The following FAM110B variants were observed in gnomAD, a reference collection of about 807,000 sequenced individuals.
FAM110B encodes the protein protein FAM110B.
A neutral mutation model predicts 20.4 loss-of-function variants in FAM110B; 6 were observed. The observed-to-expected ratio is 0.29, with a 90% confidence interval of 0.16 to 0.58. FAM110B has a LOEUF of 0.58. Among genes scored for constraint, FAM110B ranks in the 20% least tolerant of loss-of-function variants. FAM110B has a pLI of 0.90. For missense variants in FAM110B, 434 were observed against 498.2 expected, an observed-to-expected ratio of 0.87 and a Z score of 1.23; for synonymous variants, 226 against 214.1, an observed-to-expected ratio of 1.06 and a Z score of -0.49.
intron 3 of FAM110B, among the ~76,000 whole-genome samples, chr8:58,104,149 C>T (rs1000963129): frequency 6.6e-6 from 1 of 152,170 alleles, no homozygotes; most frequent in Non-Finnish European, 1.5e-5. Context: ...ACTTAAGAAA[C>T]ACATTGATTG....
chr8:58,072,448 C>G (rs1407762727), intron 2 of FAM110B, among the ~76,000 whole-genome samples: 1 of 152,188 alleles, frequency 6.6e-6, no homozygotes. Flanking sequence ...TTAACATACA[C>G]CAAAGAGGCT....
chr8:58,131,129 A>G (rs1186202785), intron 3 of FAM110B, among the ~76,000 whole-genome samples: 1 of 152,162 alleles, frequency 6.6e-6, no homozygotes, highest in African/African-American at 2.4e-5. Flanking sequence ...GAAAAATCCC[A>G]TATAACCGCC....
At chr8:58,063,807 T>C (rs1041516487) in intron 2 of FAM110B, among the ~76,000 whole-genome samples, 4 of 152,258 alleles carry the variant, frequency 2.6e-5, no homozygotes, top group Non-Finnish European at 5.9e-5. Context: ...ATTTAACTAA[T>C]TTGTTATTGT....
chr8:58,092,380 T>A (rs1806504288), intron 3 of FAM110B, among the ~76,000 whole-genome samples: 2 of 152,210 alleles, frequency 1.3e-5, no homozygotes. Context: ...TTTCTCCTAA[T>A]GCTATTCCTT....
At chr8:58,008,870 G>A (rs1804469463) in intron 1 of FAM110B, among the ~76,000 whole-genome samples, 1 of 152,150 alleles carries the variant, frequency 6.6e-6, no homozygotes, top group African/African-American at 2.4e-5. Context: ...CAGAGCCCGA[G>A]TCCCCATTGA....
At chr8:58,085,515 G>C (rs1235502046) in intron 3 of FAM110B, among the ~76,000 whole-genome samples, 2 of 152,110 alleles carry the variant, frequency 1.3e-5, no homozygotes, top group African/African-American at 4.8e-5. Context: ...TCTGTCTCAA[G>C]AAAACAAACA....
chr8:58,002,774 T>C (rs1251378098), intron 1 of FAM110B, among the ~76,000 whole-genome samples: 1 of 152,216 alleles, frequency 6.6e-6, no homozygotes, highest in East Asian at 1.9e-4. Flanking sequence ...ACTTTATTGC[T>C]AAAAAATGCT....
chr8:58,115,971 G>A (rs1410701371), intron 3 of FAM110B, among the ~76,000 whole-genome samples: 3 of 152,152 alleles, frequency 2.0e-5, no homozygotes, highest in Non-Finnish European at 2.9e-5. Flanking sequence ...TGGCCAGTTC[G>A]TTCACTTGTT....
At chr8:58,098,199 C>T (rs1193311888) in intron 3 of FAM110B, among the ~76,000 whole-genome samples, 2 of 152,258 alleles carry the variant, frequency 1.3e-5, no homozygotes, top group Non-Finnish European at 2.9e-5. Flanking sequence ...TATCTGTAAG[C>T]CCCTGACTGG....
At chr8:58,125,712 C>T (rs16918702) in intron 3 of FAM110B, among the ~76,000 whole-genome samples, 4,359 of 152,236 alleles carry the variant, frequency 0.029, 101 homozygotes, top group South Asian at 0.093. Context: ...GTCTTATGAC[C>T]TGAGAAACAT....
intron 3 of FAM110B, among the ~76,000 whole-genome samples, chr8:58,102,381 A>T: frequency 6.6e-6 from 1 of 152,176 alleles, no homozygotes; most frequent in African/African-American, 2.4e-5. Flanking sequence ...TTTGATTTTA[A>T]TGCTGGAGGA....
At chr8:58,038,154 C>A (rs1048545470) in intron 2 of FAM110B, among the ~76,000 whole-genome samples, 1 of 152,160 alleles carries the variant, frequency 6.6e-6, no homozygotes, top group African/African-American at 2.4e-5. Flanking sequence ...TGAGTGATTG[C>A]TGATGACATA....
At chr8:58,134,056 A>G (rs1409712369) in intron 3 of FAM110B, among the ~76,000 whole-genome samples, 1 of 152,158 alleles carries the variant, frequency 6.6e-6, no homozygotes, top group Non-Finnish European at 1.5e-5. Context: ...ATAGGTGTCT[A>G]TCGTCTTACG....
intron 3 of FAM110B, among the ~76,000 whole-genome samples, chr8:58,113,936 G>A (rs1807130638): frequency 6.6e-6 from 1 of 152,054 alleles, no homozygotes; most frequent in Admixed American, 6.6e-5. Context: ...TATTACATCG[G>A]GCCTTAAAAG....
At chr8:58,031,554 A>G (rs1804961870) in intron 1 of FAM110B, 52 bp from the exon 2 acceptor site, 1 of 152,164 alleles carries the variant, frequency 6.6e-6, no homozygotes, top group Non-Finnish European at 1.5e-5. Context: ...GATACCTTTT[A>G]ATCACTTTTA....
At chr8:58,110,955 A>G (rs1242732294) in intron 3 of FAM110B, among the ~76,000 whole-genome samples, 1 of 152,174 alleles carries the variant, frequency 6.6e-6, no homozygotes, top group South Asian at 2.1e-4. Flanking sequence ...AAAATCTTCT[A>G]AATGTTATTT....
intron 3 of FAM110B, among the ~76,000 whole-genome samples, chr8:58,101,915 G>A (rs1363672014): frequency 6.6e-6 from 1 of 152,050 alleles, no homozygotes; most frequent in Admixed American, 6.6e-5. Context: ...TATTCCCAAG[G>A]CAAGGCACTA....
At chr8:57,995,565 G>C (rs1804168149) in intron 1 of FAM110B, among the ~76,000 whole-genome samples, 4 of 152,152 alleles carry the variant, frequency 2.6e-5, no homozygotes, top group Admixed American at 2.0e-4. Flanking sequence ...TGCCCAGCCT[G>C]GTGCCCTCCT....
At chr8:58,044,812 C>A (rs1229957497) in intron 2 of FAM110B, among the ~76,000 whole-genome samples, 1 of 152,094 alleles carries the variant, frequency 6.6e-6, no homozygotes, top group Admixed American at 6.6e-5. Context: ...AAAAATCAGG[C>A]AACACTTGGA....
Sources: allele counts gnomAD v4.1 joint callset (sites outside exome capture counted in the v4.1 genomes callset), GRCh38; gene constraint gnomAD v4.1.1; transcripts MANE v1.5; gene names NCBI Gene and HGNC (gene_info 2026-07-23, HGNC 2026-07-21).